The following ZNF487 variants were observed in gnomAD, a reference collection of about 807,000 sequenced individuals.
ZNF487 encodes KRAB domain only 1.
In ZNF487, 4 loss-of-function variants were observed where a neutral mutation model predicts 3.0. The observed-to-expected ratio is 1.35, with a 90% confidence interval of 0.66 to 3.08. The LOEUF is 3.08. Ranked by LOEUF, ZNF487 falls within the 30% of genes most tolerant of loss-of-function variation. The pLI, the probability that ZNF487 is intolerant of heterozygous loss-of-function variation, is 0.01. For missense variants in ZNF487, 146 were observed against 98.7 expected, an observed-to-expected ratio of 1.48 and a Z score of -2.03; for synonymous variants, 55 against 34.6, an observed-to-expected ratio of 1.59 and a Z score of -2.06.
intron 1 of ZNF487, among the ~76,000 whole-genome samples, chr10:43,447,240 G>T (rs1839845211): frequency 1.4e-5 from 1 of 70,388 alleles, no homozygotes; most frequent in Non-Finnish European, 2.7e-5. Context: ...GAGGGGAGAG[G>T]GAGAACAACA....
chr10:43,467,878 C>T (rs1840764885), intron 1 of ZNF487, among the ~76,000 whole-genome samples: 3 of 151,978 alleles, frequency 2.0e-5, no homozygotes, highest in African/African-American at 7.2e-5. Flanking sequence ...ATAGTGATCC[C>T]TCTGATGGAT....
At chr10:43,450,846 C>T (rs1839982217) in intron 1 of ZNF487, among the ~76,000 whole-genome samples, 1 of 152,138 alleles carries the variant, frequency 6.6e-6, no homozygotes, top group Non-Finnish European at 1.5e-5. Flanking sequence ...TCTATTTCCT[C>T]GTCTCTAAAG....
At chr10:43,449,487 T>C (rs182244504) in intron 1 of ZNF487, among the ~76,000 whole-genome samples, 148 of 152,272 alleles carry the variant, frequency 9.7e-4, no homozygotes, top group African/African-American at 3.5e-3. Flanking sequence ...TTCTACTTAA[T>C]TCAGTCTAAC....
chr10:43,456,419 A>G (rs1311331630), intron 1 of ZNF487, among the ~76,000 whole-genome samples: 3 of 152,160 alleles, frequency 2.0e-5, no homozygotes, highest in African/African-American at 7.2e-5. Flanking sequence ...CCTGTGCTCC[A>G]CAAGCCACCC....
At chr10:43,458,603 A>G (rs1840306108) in intron 1 of ZNF487, among the ~76,000 whole-genome samples, 1 of 150,542 alleles carries the variant, frequency 6.6e-6, no homozygotes, top group South Asian at 2.1e-4. Context: ...CTTAAAAACA[A>G]AAAACAAAAA....
the ZNF487 span, among the ~76,000 whole-genome samples, chr10:43,490,500 CTT>C: frequency 5.1e-5 from 2 of 39,134 alleles, no homozygotes; most frequent in Non-Finnish European, 9.2e-5. Context: ...AGTAGCTCTA[CTT>C]TTTTTTTTTT....
At position 43,482,629 on chromosome 10, in the gene ZNF487, T is replaced by A; in HGVS notation, c.*707T>A. 1 of 497,754 alleles carries A rather than the reference T, an allele frequency of 2.0e-6. No homozygotes were observed. The highest frequency in any genetic ancestry group is 4.1e-6 in the Non-Finnish European group (1 of 243,734). The allele number at this position is 497,754 out of a possible 1,614,324, so 30.8% of individuals were successfully genotyped here. A position where few individuals can be genotyped will look rare whatever the true frequency, so the allele number is the denominator to read the frequency against. Reference sequence around the variant, plus strand: ...TTTGGTGATAGGTCAGCTCTAAAAGTACATCAGAGAATACATACTGGCGAG... The same window carrying A: ...TTTGGTGATAGGTCAGCTCTAAAAGAACATCAGAGAATACATACTGGCGAG... On this transcript the variant is annotated 3_prime_UTR_variant, in exon 4 of 4. Coordinates refer to ENST00000437590, the MANE Select transcript of ZNF487 (RefSeq NM_001355444.3).
In ZNF487 at chr10:43,475,766, G is replaced by C. The variant is rs931700022; in HGVS notation, c.-48G>C. ...TGTGGCTGTGGGCTTCACCCAGGAG[G>C]AGTGGCAGCATCTGGACTCTGCTCA... On this transcript the variant is annotated 5_prime_UTR_variant, in exon 2 of 4. Transcript: ENST00000437590. 2 of 780,842 alleles carry C rather than the reference G, an allele frequency of 2.6e-6. No individual in the cohort carries two copies. Among genetic ancestry groups the C allele is most frequent in the African/African-American group, 3.4e-5 (2 of 59,136 alleles). 48.4% of individuals were successfully genotyped at this position (780,842 alleles called of 1,614,324 possible).
intron 1 of ZNF487, among the ~76,000 whole-genome samples, chr10:43,460,141 A>G (rs1840376770): frequency 6.6e-6 from 1 of 151,890 alleles, no homozygotes; most frequent in Non-Finnish European, 1.5e-5. Context: ...AGACCAGAAG[A>G]ATGAATTTAA....
chr10:43,505,655 T>C, the ZNF487 span, among the ~76,000 whole-genome samples: 1 of 152,084 alleles, frequency 6.6e-6, no homozygotes, highest in Non-Finnish European at 1.5e-5. Flanking sequence ...TTTATTCATT[T>C]TCTTTGAGAT....
At chr10:43,466,314 G>C (rs1267346004) in intron 1 of ZNF487, among the ~76,000 whole-genome samples, 1 of 151,870 alleles carries the variant, frequency 6.6e-6, no homozygotes, top group Non-Finnish European at 1.5e-5. Flanking sequence ...AAAGTACTAG[G>C]ATTACAGGCA....
chr10:43,463,371 C>T (rs1037140045), intron 1 of ZNF487, among the ~76,000 whole-genome samples: 2 of 151,646 alleles, frequency 1.3e-5, no homozygotes, highest in Admixed American at 6.6e-5. Flanking sequence ...AACCCTGTCT[C>T]TACTAAAAAT....
chr10:43,483,579 G>A (rs143535385), downstream of ZNF487, among the ~76,000 whole-genome samples: 19 of 151,932 alleles, frequency 1.3e-4, no homozygotes, highest in African/African-American at 3.4e-4. Flanking sequence ...CCAGGCTGGA[G>A]TGCAGGTGCA....
downstream of ZNF487, among the ~76,000 whole-genome samples, chr10:43,485,976 C>T (rs534649448): frequency 4.9e-4 from 75 of 152,300 alleles, no homozygotes; most frequent in African/African-American, 1.7e-3. Flanking sequence ...TTCTATTTCA[C>T]ATTTCAGACC....
the ZNF487 span, among the ~76,000 whole-genome samples, chr10:43,488,264 A>C: frequency 1.3e-5 from 2 of 152,198 alleles, no homozygotes; most frequent in African/African-American, 4.8e-5. Context: ...TCTGGAATAA[A>C]TTGTAAGGAG....
At chr10:43,473,357 G>T (rs1020893418) in intron 1 of ZNF487, among the ~76,000 whole-genome samples, 1 of 151,980 alleles carries the variant, frequency 6.6e-6, no homozygotes, top group African/African-American at 2.4e-5. Context: ...TGAGACTAGA[G>T]GTGTGAGCCA....
chr10:43,441,557 G>A (rs962532693), intron 1 of ZNF487, among the ~76,000 whole-genome samples: 6 of 148,458 alleles, frequency 4.0e-5, no homozygotes, highest in Admixed American at 1.3e-4. Flanking sequence ...ATGAGCCACC[G>A]CGCCTGGCCA....
the ZNF487 span, among the ~76,000 whole-genome samples, chr10:43,521,068 C>T: frequency 6.6e-6 from 1 of 152,016 alleles, no homozygotes; most frequent in Admixed American, 6.6e-5. Context: ...TCAGAGGAAG[C>T]TTCATAATAA....
chr10:43,471,686 T>C (rs1341830945), intron 1 of ZNF487, among the ~76,000 whole-genome samples: 1 of 152,200 alleles, frequency 6.6e-6, no homozygotes, highest in African/African-American at 2.4e-5. Flanking sequence ...AGGTTGCCCC[T>C]TCCCTGAAGT....
Sources: gnomAD v4.1 joint callset for allele counts (sites outside exome capture counted in the v4.1 genomes callset) on GRCh38, gnomAD v4.1.1 for gene constraint, MANE v1.5 for transcripts, NCBI Gene and HGNC (gene_info 2026-07-23, HGNC 2026-07-21) for gene names.